Variants in TAFA2 observed in about 807,000 individuals in gnomAD.
The protein encoded by TAFA2 is chemokine-like protein TAFA-2.
In TAFA2, 7 loss-of-function variants were observed where a neutral mutation model predicts 18.8. The observed-to-expected ratio is 0.37, with a 90% CI of 0.21 to 0.70. TAFA2 has a LOEUF of 0.70. Among genes scored for constraint, TAFA2 ranks in the 30% least tolerant of loss-of-function variants. The probability of loss-of-function intolerance (pLI) is 0.53; values close to 1 mark genes in which losing one functional copy is unlikely to be tolerated. For synonymous variants in TAFA2, 60 were observed against 54.2 expected, an observed-to-expected ratio of 1.11 and a Z score of -0.47; for missense variants, 122 against 158.1, an observed-to-expected ratio of 0.77 and a Z score of 1.23.
At chr12:61,905,053 T>C (rs938714939) in intron 1 of TAFA2, among the ~76,000 whole-genome samples, 4 of 152,202 alleles carry the variant, frequency 2.6e-5, no homozygotes, top group Non-Finnish European at 4.4e-5. Context: ...CAAAAGGTTT[T>C]GCTCCTTTTG....
chr12:61,934,454 C>T (rs186255921), intron 1 of TAFA2, among the ~76,000 whole-genome samples: 16 of 152,326 alleles, frequency 1.1e-4, no homozygotes, highest in Admixed American at 8.5e-4. Context: ...AAGCCGACAA[C>T]TAACTCACCA....
At chr12:62,128,991 A>G (rs1299316267) in intron 1 of TAFA2, among the ~76,000 whole-genome samples, 1 of 152,184 alleles carries the variant, frequency 6.6e-6, no homozygotes, top group African/African-American at 2.4e-5. Context: ...ATCAGTAAAC[A>G]ACATCATAAA....
chr12:61,922,715 C>T (rs1263507064), intron 1 of TAFA2, among the ~76,000 whole-genome samples: 1 of 152,124 alleles, frequency 6.6e-6, no homozygotes, highest in African/African-American at 2.4e-5. Flanking sequence ...TCTTTTCTTA[C>T]CCCAGTGGCA....
At chr12:62,150,701 G>A (rs912009147) in intron 1 of TAFA2, among the ~76,000 whole-genome samples, 14 of 152,002 alleles carry the variant, frequency 9.2e-5, no homozygotes, top group Non-Finnish European at 2.1e-4. Context: ...TCAGGAGTTC[G>A]AGACCAGCCT....
At chr12:61,946,402 G>A (rs1365791299) in intron 1 of TAFA2, among the ~76,000 whole-genome samples, 2 of 122,804 alleles carry the variant, frequency 1.6e-5, no homozygotes, top group East Asian at 5.6e-4. Flanking sequence ...CGTGGGCAAG[G>A]ACTTCATGTC....
intron 1 of TAFA2, among the ~76,000 whole-genome samples, chr12:61,922,327 A>G (rs1877087578): frequency 6.6e-6 from 1 of 152,140 alleles, no homozygotes; most frequent in African/African-American, 2.4e-5. Context: ...CTGAATAGGA[A>G]CAGCTCCGGT....
intron 2 of TAFA2, among the ~76,000 whole-genome samples, chr12:61,864,954 A>G (rs1326681581): frequency 6.6e-6 from 1 of 152,110 alleles, no homozygotes; most frequent in Non-Finnish European, 1.5e-5. Context: ...CACAATAAAT[A>G]GAAAGTGAAC....
chr12:61,882,668 T>C (rs1308787394), intron 1 of TAFA2, among the ~76,000 whole-genome samples: 2 of 152,192 alleles, frequency 1.3e-5, no homozygotes, highest in East Asian at 3.9e-4. Context: ...ATTTATTACA[T>C]ATAACTTTCC....
chr12:61,825,618 A>G (rs1013142839), intron 2 of TAFA2, among the ~76,000 whole-genome samples: 4 of 152,076 alleles, frequency 2.6e-5, no homozygotes, highest in African/African-American at 9.7e-5. Flanking sequence ...ACGACAAAGC[A>G]ACAAGGATCT....
At chr12:62,219,643 A>G (rs2062752279) in intron 1 of TAFA2, among the ~76,000 whole-genome samples, 1 of 152,194 alleles carries the variant, frequency 6.6e-6, no homozygotes, top group Admixed American at 6.5e-5. Context: ...ACTATTTGTC[A>G]TAAGGGGTTG....
intron 1 of TAFA2, among the ~76,000 whole-genome samples, chr12:62,141,986 G>A (rs117485561): frequency 8.0e-4 from 122 of 152,226 alleles, no homozygotes; most frequent in Admixed American, 1.6e-3. Flanking sequence ...TAACAACCAC[G>A]TATTGAGTGC....
chr12:62,134,594 T>G (rs1870821762), intron 1 of TAFA2, among the ~76,000 whole-genome samples: 1 of 152,060 alleles, frequency 6.6e-6, no homozygotes, highest in East Asian at 1.9e-4. Context: ...AGACAACTGA[T>G]AGATATCAAT....
intron 2 of TAFA2, among the ~76,000 whole-genome samples, chr12:61,777,541 A>C (rs1212843436): frequency 1.3e-5 from 2 of 151,836 alleles, no homozygotes; most frequent in Non-Finnish European, 2.9e-5. Flanking sequence ...TCTAGTCCTC[A>C]GCAACTTACC....
intron 1 of TAFA2, among the ~76,000 whole-genome samples, chr12:62,032,076 G>A (rs1881474047): frequency 6.6e-6 from 1 of 152,128 alleles, no homozygotes; most frequent in Non-Finnish European, 1.5e-5. Flanking sequence ...GCTGAAAAGT[G>A]CACTTAAAAA....
At chr12:61,834,490 C>T (rs1413137522) in intron 2 of TAFA2, among the ~76,000 whole-genome samples, 1 of 152,008 alleles carries the variant, frequency 6.6e-6, no homozygotes, top group Non-Finnish European at 1.5e-5. Flanking sequence ...CTGATAGTTC[C>T]TTCAGGCCAG....
chr12:62,165,780 C>T (rs972277692), intron 1 of TAFA2, among the ~76,000 whole-genome samples: 17 of 152,236 alleles, frequency 1.1e-4, no homozygotes, highest in African/African-American at 3.6e-4. Flanking sequence ...CAGAACTACT[C>T]CAAGAGCTTC....
intron 1 of TAFA2, among the ~76,000 whole-genome samples, chr12:62,237,293 G>A (rs1015494803): frequency 3.9e-5 from 6 of 152,192 alleles, no homozygotes; most frequent in African/African-American, 1.2e-4. Context: ...AGATCATGAG[G>A]TCAGGAGATC....
intron 2 of TAFA2, among the ~76,000 whole-genome samples, chr12:61,863,407 G>T (rs1874209913): frequency 6.6e-6 from 1 of 152,202 alleles, no homozygotes; most frequent in African/African-American, 2.4e-5. Flanking sequence ...AGCAGCAAGA[G>T]AATGGTAACC....
intron 1 of TAFA2, among the ~76,000 whole-genome samples, chr12:62,064,819 A>T (rs895324555): frequency 4.6e-5 from 7 of 152,000 alleles, no homozygotes; most frequent in African/African-American, 1.4e-4. Context: ...CCAAATGAGC[A>T]TGGTTTTCAT....
Sources: allele counts gnomAD v4.1 joint callset (sites outside exome capture counted in the v4.1 genomes callset), GRCh38; gene constraint gnomAD v4.1.1; transcripts MANE v1.5; gene names NCBI Gene and HGNC (gene_info 2026-07-23, HGNC 2026-07-21).